The following DIAPH2 variants were observed in gnomAD, a reference collection of about 807,000 sequenced individuals.
DIAPH2 encodes diaphanous related formin 2, also known as protein diaphanous homolog 2.
In DIAPH2, 35 loss-of-function variants were observed where a neutral mutation model predicts 92.7. The ratio of observed to expected loss-of-function variants is 0.38; its 90% CI spans 0.29 to 0.50. The LOEUF (loss-of-function observed/expected upper bound fraction) is 0.50. Ranked by LOEUF, DIAPH2 falls within the 20% of genes least tolerant of loss-of-function variation. DIAPH2 has a pLI of 0.94. For synonymous variants in DIAPH2, 301 were observed against 280.4 expected (o/e 1.07, Z -0.73); for missense variants, 701 against 819.5 (o/e 0.86, Z 1.77).
intron 25 of DIAPH2, among the ~76,000 whole-genome samples, chrX:97,405,636 C>T (rs905237805): frequency 1.8e-5 from 2 of 111,706 alleles, no homozygotes; most frequent in African/African-American, 6.5e-5. Flanking sequence ...GTACAATCTT[C>T]CACTTTTCGT....
chrX:97,247,219 CTT>C, intron 22 of DIAPH2, among the ~76,000 whole-genome samples: 1 of 111,411 alleles, frequency 9.0e-6, no homozygotes, highest in South Asian at 3.7e-4. Flanking sequence ...TTTCACATCT[CTT>C]TGAAAAATAC....
intron 26 of DIAPH2, among the ~76,000 whole-genome samples, chrX:97,486,134 G>T (rs1034394319): frequency 9.0e-6 from 1 of 110,548 alleles, no homozygotes; most frequent in South Asian, 3.8e-4. Flanking sequence ...TAAGATACCC[G>T]GTGTAATTTA....
intron 21 of DIAPH2, among the ~76,000 whole-genome samples, chrX:97,128,423 C>T (rs2067108597): frequency 9.0e-6 from 1 of 111,186 alleles, no homozygotes; most frequent in Non-Finnish European, 1.9e-5. Flanking sequence ...GTATTTTGTG[C>T]TCACCTCCTA....
Position 97,167,163 on chromosome X carries a change from G to C in DIAPH2, c.2719+25369G>C, listed in dbSNP as rs746464823. Reference sequence around the variant, plus strand: ...TTTTGTTAATATAAACAAAGCTGACGAGAACAATGTTTTATTTTGCTTCCT... The same window carrying C: ...TTTTGTTAATATAAACAAAGCTGACCAGAACAATGTTTTATTTTGCTTCCT... On this transcript the variant is annotated intron_variant, in intron 22 of 26. Coordinates refer to ENST00000324765, the MANE Select transcript of DIAPH2 (RefSeq NM_006729.5). Among the ~76,000 whole-genome samples, 351 of 111,364 alleles carry C rather than the reference G, an allele frequency of 3.2e-3. 1 individual carries two copies. The highest frequency in any genetic ancestry group is 0.011 in the African/African-American group (333 of 30,652).
intron 22 of DIAPH2, among the ~76,000 whole-genome samples, chrX:97,243,072 C>T (rs2068110499): frequency 9.0e-6 from 1 of 110,979 alleles, no homozygotes; most frequent in Admixed American, 9.7e-5. Context: ...AGGCTTGAGC[C>T]ACCGCACCTG....
intron 23 of DIAPH2, among the ~76,000 whole-genome samples, chrX:97,255,164 G>A (rs978026533): frequency 4.5e-5 from 5 of 111,609 alleles, no homozygotes; most frequent in African/African-American, 9.8e-5. Flanking sequence ...TGCTGCCTCC[G>A]AGGTTAGACC....
At chrX:96,978,099 A>G (rs749308102) in intron 17 of DIAPH2, among the ~76,000 whole-genome samples, 2 of 112,240 alleles carry the variant, frequency 1.8e-5, no homozygotes, top group Non-Finnish European at 3.8e-5. Context: ...CTGGATATTA[A>G]TGGCAGTTAA....
At chrX:96,878,129 T>G in intron 4 of DIAPH2, among the ~76,000 whole-genome samples, 1 of 112,103 alleles carries the variant, frequency 8.9e-6, no homozygotes, top group Non-Finnish European at 1.9e-5. Context: ...ATTATGAGAA[T>G]TAATGTATTG....
intron 26 of DIAPH2, among the ~76,000 whole-genome samples, chrX:97,555,936 C>T (rs887192996): frequency 1.8e-5 from 2 of 111,962 alleles, no homozygotes; most frequent in Non-Finnish European, 3.8e-5. Context: ...TACCATTCTA[C>T]CACAGACCGG....
intron 20 of DIAPH2, among the ~76,000 whole-genome samples, chrX:97,110,990 ACAAAC>A (rs371035036): frequency 1.0e-4 from 11 of 108,150 alleles, no homozygotes; most frequent in African/African-American, 3.2e-4. Flanking sequence ...CTCAAAAAAA[ACAAAC>A]AAAAAAAAAA....
chrX:97,524,403 A>T (rs1264405537), intron 26 of DIAPH2, among the ~76,000 whole-genome samples: 2 of 112,220 alleles, frequency 1.8e-5, no homozygotes, highest in Admixed American at 1.9e-4. Flanking sequence ...ATAGTACCCC[A>T]GGTACCATAG....
intron 24 of DIAPH2, among the ~76,000 whole-genome samples, chrX:97,376,609 A>G (rs1276808321): frequency 1.8e-5 from 2 of 112,277 alleles, no homozygotes; most frequent in Non-Finnish European, 3.8e-5. Flanking sequence ...AACATGTTTT[A>G]TGTGCCAGGC....
rs1356349349 is a variant in DIAPH2, at chrX:96,962,492, C to CATATATATAT, written c.1936-2600_1936-2599insTATATATATA. On this transcript the variant is annotated intron_variant, in intron 16 of 26. Coordinates refer to ENST00000324765, the MANE Select transcript of DIAPH2 (RefSeq NM_006729.5). ...ACATATATATATACACACACACACACACACATATATATATATATATATATA... is the reference window on the plus strand; with the variant it reads ...ACATATATATATACACACACACACACATATATATATACACATATATATATATATATATATA... 8.7e-4 allele frequency among the ~76,000 whole-genome samples: 17 copies of CATATATATAT among 19,560 alleles called. 1 individual carries two copies. The highest frequency in any genetic ancestry group is 1.7e-3 in the African/African-American group (12 of 6,882). 17.0% of individuals were successfully genotyped at this position (19,560 alleles called of 115,157 possible).
At chrX:97,068,978 C>T (rs890111157) in intron 17 of DIAPH2, among the ~76,000 whole-genome samples, 2 of 111,095 alleles carry the variant, frequency 1.8e-5, no homozygotes, top group Non-Finnish European at 1.9e-5. Flanking sequence ...GTTTGTTTTC[C>T]TGAGACGGAG....
chrX:97,484,526 G>T (rs1057366641), intron 26 of DIAPH2, among the ~76,000 whole-genome samples: 1 of 111,717 alleles, frequency 9.0e-6, no homozygotes, highest in Admixed American at 9.5e-5. Flanking sequence ...TGTTCATATT[G>T]CGCCCTTGTA....
At chrX:97,050,391 G>A (rs185126038) in intron 17 of DIAPH2, among the ~76,000 whole-genome samples, 3 of 109,330 alleles carry the variant, frequency 2.7e-5, no homozygotes, top group Non-Finnish European at 5.8e-5. Context: ...ATTCTCACTT[G>A]GTTCATTAAG....
chrX:96,997,791 G>C (rs1321773797), intron 17 of DIAPH2, among the ~76,000 whole-genome samples: 2 of 111,656 alleles, frequency 1.8e-5, no homozygotes, highest in African/African-American at 6.5e-5. Flanking sequence ...TCAATGTCTT[G>C]TGTACTTTGT....
rs1158234712 is a variant in DIAPH2 at position 96,916,587 on chromosome X, ATAT to A, written c.869+20_869+22del. On this transcript the variant is annotated intron_variant, in intron 8 of 26. Transcript: ENST00000324765. Reference sequence around the variant, plus strand: ...GAGAAGAGAACATGTAAGTATTGCTATATTATTATATTTGCTGCATGGAAAATG... The same window carrying A: ...GAGAAGAGAACATGTAAGTATTGCTATATTATATTTGCTGCATGGAAAATG... 8 of 1,182,063 alleles carry A rather than the reference ATAT, an allele frequency of 6.8e-6. No homozygotes were observed. In the Admixed American group the frequency reaches 1.6e-4, roughly 24 times the overall value.
intron 1 of DIAPH2, among the ~76,000 whole-genome samples, chrX:96,713,046 G>GTATGTGCACAGATGTGCACATACACACT (rs769102945): frequency 3.0e-4 from 33 of 111,028 alleles, no homozygotes; most frequent in South Asian, 1.5e-3. Flanking sequence ...GTGGTATGGT[G>GTATGTGCACAGATGTGCACATACACACT]TATGTGCACA....
Sources: allele counts gnomAD v4.1 joint callset (sites outside exome capture counted in the v4.1 genomes callset), GRCh38; gene constraint gnomAD v4.1.1; transcripts MANE v1.5; gene names NCBI Gene and HGNC (gene_info 2026-07-23, HGNC 2026-07-21).